Variants in LGI2 observed in about 807,000 individuals in gnomAD.
LGI2 encodes leucine rich repeat LGI family member 2.
Under a neutral mutation model 52.0 loss-of-function variants are expected in LGI2, and 30 were observed. That is an observed-to-expected ratio of 0.58 (90% confidence interval 0.43 to 0.78). The LOEUF (loss-of-function observed/expected upper bound fraction) is 0.78. LGI2 is among the 30% of genes least tolerant of loss of function. The probability of loss-of-function intolerance (pLI) is 0.00; values close to 1 mark genes in which losing one functional copy is unlikely to be tolerated. For missense variants in LGI2, 573 were observed against 692.5 expected (o/e 0.83, Z 1.94); for synonymous variants, 270 against 271.8 (o/e 0.99, Z 0.06).
Position 25,004,970 on chromosome 4 carries a change from A to G in LGI2, c.821-702T>C, listed in dbSNP as rs1577545474. 6.6e-6 allele frequency among the ~76,000 whole-genome samples: 1 copy of G among 152,216 alleles called. No individual in the cohort carries two copies. The highest frequency in any genetic ancestry group is 1.5e-5 in the Non-Finnish European group (1 of 68,036). ...ATATTATTCAGCCCTAAAAGGAGGA[A>G]AATTCTGACATATGCTACAACATGG... On this transcript the variant is annotated intron_variant, in intron 7 of 7. Transcript: ENST00000382114. The surrounding 1 kb of genome is among the most constrained non-coding windows in gnomAD (Gnocchi z 4.6).
chr4:25,030,441 G>A (rs1726299363), intron 1 of LGI2, 56 bp downstream of exon 1: 1 of 1,537,322 alleles, frequency 6.5e-7, no homozygotes, highest in Non-Finnish European at 8.8e-7. Flanking sequence ...ACTCCCTCGC[G>A]GCGGCGGACG....
intron 2 of LGI2, among the ~76,000 whole-genome samples, chr4:25,027,952 G>C (rs1320495304): frequency 6.6e-6 from 1 of 152,216 alleles, no homozygotes; most frequent in Non-Finnish European, 1.5e-5. Flanking sequence ...CCCTGGACTA[G>C]AATCTGGCTC....
At chr4:24,992,599 C>T in the LGI2 span, among the ~76,000 whole-genome samples, 1 of 152,060 alleles carries the variant, frequency 6.6e-6, no homozygotes, top group Non-Finnish European at 1.5e-5. Context: ...TGGAGAATCG[C>T]TTGAACTCAG....
the LGI2 span, among the ~76,000 whole-genome samples, chr4:24,992,498 G>T: frequency 3.3e-5 from 5 of 151,910 alleles, no homozygotes; most frequent in African/African-American, 1.2e-4. Context: ...TAGATTGCCT[G>T]AGGTCAGGAG....
At chr4:25,005,461 C>T (rs1475817197) in intron 7 of LGI2, among the ~76,000 whole-genome samples, 3 of 151,812 alleles carry the variant, frequency 2.0e-5, no homozygotes, top group Non-Finnish European at 2.9e-5. Context: ...AATAAAGCTA[C>T]ATTAATTAGC....
intron 1 of LGI2, among the ~76,000 whole-genome samples, chr4:25,029,063 G>A (rs1726245653): frequency 6.6e-6 from 1 of 152,150 alleles, no homozygotes; most frequent in Non-Finnish European, 1.5e-5. Context: ...AAAACTCACA[G>A]ACACCTGAAC....
In LGI2 at chr4:25,012,362, T is replaced by C; in HGVS notation, c.793A>G (p.Asn265Asp). 6.2e-7 allele frequency: 1 copy of C among 1,614,208 alleles called. No individual in the cohort carries two copies. Among genetic ancestry groups the C allele is most frequent in the Non-Finnish European group, 8.5e-7 (1 of 1,180,032 alleles). ...GTAATGTTGTCATAGCTCCGGAAATTCATTTCAATGTGGTCCCACTCCAGC... is the reference window on the plus strand; with the variant it reads ...GTAATGTTGTCATAGCTCCGGAAATCCATTTCAATGTGGTCCCACTCCAGC... Reference protein sequence around the residue: ...MVLEWDHIEMNFRSYDNITGQ... With the variant: ...MVLEWDHIEMDFRSYDNITGQ... The change falls in exon 7 of 8, where the codon AAT becomes GAT. Residue 265 changes from asparagine (N) to aspartate (D), a missense_variant. Asn to Asp is a conservative substitution (Grantham distance 23). Coordinates refer to ENST00000382114, the MANE Select transcript of LGI2 (RefSeq NM_018176.4).
chr4:25,024,719 AT>A (rs1726085575), intron 4 of LGI2, 100 bp downstream of exon 4: 1 of 748,176 alleles, frequency 1.3e-6, no homozygotes, highest in South Asian at 2.1e-5. Flanking sequence ...CTAGAAATTC[AT>A]TTCCTTCAGG....
rs754341458 is a variant in LGI2 at position 25,018,121 on chromosome 4, C to T, written c.523G>A (p.Ala175Thr). 9 of 1,609,542 alleles carry T rather than the reference C, an allele frequency of 5.6e-6. No individual in the cohort carries two copies. In the South Asian group the frequency reaches 8.9e-5, roughly 16 times the overall value. ...TTCAACCACAGGTATAGCCACTTGGCTTTGCAGTCACATTCAAATTTATTA... is the reference window on the plus strand; with the variant it reads ...TTCAACCACAGGTATAGCCACTTGGTTTTGCAGTCACATTCAAATTTATTA... ...RGNKFECDCK[A>T]KWLYLWLKMT... is the part of the protein sequence containing the mutation. The change falls in exon 6 of 8, where the codon GCC becomes ACC. Residue 175 changes from alanine to threonine, a missense_variant. Coordinates refer to ENST00000382114, the MANE Select transcript of LGI2 (RefSeq NM_018176.4).
chr4:25,003,701 C>T lies in LGI2; in HGVS notation c.1388G>A (p.Gly463Glu). 2 of 1,614,168 alleles carry T rather than the reference C, an allele frequency of 1.2e-6. No homozygotes were observed. The highest frequency in any genetic ancestry group is 1.7e-6 in the Non-Finnish European group (2 of 1,180,042). Residue 463 changes from glycine to glutamate, a missense_variant, in exon 8 of 8, where the codon GGG becomes GAG. Gly to Glu is a moderately conservative substitution (Grantham distance 98). Transcript: ENST00000382114. ...FVEIQALPSR[G>E]AMTLQPFSFK... ...AGAAAAGGGCTGCAGGGTCATGGCC[C>T]CCCGGGATGGAAGAGCTTGGATCTC...
At chr4:25,027,735 C>T (rs968182733) in intron 2 of LGI2, among the ~76,000 whole-genome samples, 1 of 152,144 alleles carries the variant, frequency 6.6e-6, no homozygotes, top group Admixed American at 6.5e-5. Flanking sequence ...TTTAAGAAAC[C>T]AACACAGATC....
chr4:25,027,629 G>T (rs1469115095), intron 2 of LGI2, among the ~76,000 whole-genome samples: 1 of 152,174 alleles, frequency 6.6e-6, no homozygotes, highest in African/African-American at 2.4e-5. Context: ...AGTATCAAGA[G>T]TATGTTTATT....
downstream of LGI2, among the ~76,000 whole-genome samples, chr4:24,996,771 G>A (rs1428789379): frequency 6.6e-6 from 1 of 152,114 alleles, no homozygotes; most frequent in Non-Finnish European, 1.5e-5. Context: ...TGTGAGGTAA[G>A]GCACAGAGAT....
At chr4:25,015,926 G>C (rs1485261579) in intron 6 of LGI2, among the ~76,000 whole-genome samples, 1 of 152,064 alleles carries the variant, frequency 6.6e-6, no homozygotes, top group Admixed American at 6.6e-5. Context: ...GAGTCTTAAA[G>C]GGATAAAACC....
intron 6 of LGI2, among the ~76,000 whole-genome samples, chr4:25,015,455 A>G (rs1185780215): frequency 2.0e-5 from 3 of 152,208 alleles, no homozygotes; most frequent in Non-Finnish European, 4.4e-5. Flanking sequence ...AAACAGCCCA[A>G]TGGTGGCTTT....
rs200201054 is a variant in LGI2 at position 25,012,429 on chromosome 4, C to T, written c.726G>A (p.Val242=). 8 of 1,614,234 alleles carry T rather than the reference C, an allele frequency of 5.0e-6. No homozygotes were observed. The South Asian group carries it at 5.5e-5, about 11-fold the overall frequency. ...SVDTFNSKND[V]YVAIAQPSME... ...TGCTGGGCTGCGCGATGGCCACGTA[C>T]ACATCGTTCTTGGAGTTGAACGTAT... Residue 242 remains valine (V), a synonymous_variant, in exon 7 of 8, where the codon GTG becomes GTA. Coordinates refer to ENST00000382114, the MANE Select transcript of LGI2 (RefSeq NM_018176.4).
intron 6 of LGI2, among the ~76,000 whole-genome samples, chr4:25,013,427 G>T (rs1725653558): frequency 6.6e-6 from 1 of 152,170 alleles, no homozygotes; most frequent in African/African-American, 2.4e-5. Flanking sequence ...TGGACAAGTG[G>T]CTCTAGTGGA....
At chr4:25,027,425 A>G (rs1314778994) in intron 2 of LGI2, among the ~76,000 whole-genome samples, 1 of 151,966 alleles carries the variant, frequency 6.6e-6, no homozygotes, top group East Asian at 1.9e-4. Context: ...TTGTTTAAGA[A>G]ACTTTCAGGA....
At chr4:25,007,578 AGTGTGT>A (rs3066687) in intron 7 of LGI2, among the ~76,000 whole-genome samples, 8,097 of 142,232 alleles carry the variant, frequency 0.057, 603 homozygotes, top group African/African-American at 0.17. Context: ...CAGACAGATC[AGTGTGT>A]GTGTGTGTGT....
Sources: allele counts gnomAD v4.1 joint callset (sites outside exome capture counted in the v4.1 genomes callset), GRCh38; gene constraint gnomAD v4.1.1; non-coding constraint Gnocchi (gnomAD v3.1); transcripts MANE v1.5; gene names NCBI Gene and HGNC (gene_info 2026-07-23, HGNC 2026-07-21).